Variants in NLGN4X observed in about 807,000 individuals in gnomAD.
NLGN4X encodes neuroligin-4, X-linked.
NLGN4X carries 3 observed loss-of-function variants against 40.3 expected under a neutral mutation model. The observed-to-expected ratio is 0.07, with a 90% CI of 0.03 to 0.19. The LOEUF (loss-of-function observed/expected upper bound fraction) is 0.19. Among genes scored for constraint, NLGN4X ranks in the 10% least tolerant of loss-of-function variants. The probability of loss-of-function intolerance (pLI) is 1.00; values close to 1 mark genes in which losing one functional copy is unlikely to be tolerated. For missense variants in NLGN4X, 382 were observed against 708.3 expected, an observed-to-expected ratio of 0.54 and a Z score of 5.23; for synonymous variants, 270 against 306.8, an observed-to-expected ratio of 0.88 and a Z score of 1.25.
intron 1 of NLGN4X, among the ~76,000 whole-genome samples, chrX:6,189,213 T>G (rs751388021): frequency 2.7e-5 from 3 of 112,302 alleles, no homozygotes; most frequent in African/African-American, 9.7e-5. Context: ...CAAGGACAAC[T>G]GATGTCACTG....
At chrX:5,988,958 C>A (rs996594636) in intron 3 of NLGN4X, among the ~76,000 whole-genome samples, 2 of 110,114 alleles carry the variant, frequency 1.8e-5, no homozygotes, top group Non-Finnish European at 3.8e-5. Flanking sequence ...TTTCTGGCTA[C>A]TTGGGAGGTT....
intron 3 of NLGN4X, among the ~76,000 whole-genome samples, chrX:6,028,436 G>A (rs1375580329): frequency 4.5e-5 from 5 of 110,121 alleles, no homozygotes; most frequent in African/African-American, 9.9e-5. Flanking sequence ...CGAGGCAGGC[G>A]GATCACGAGG....
At position 6,016,039 on chromosome X, in the gene NLGN4X, T is replaced by C. The variant is rs1602067457; in HGVS notation, c.625+13241A>G. Among the ~76,000 whole-genome samples the C allele has an allele frequency of 3.6e-5, 4 of 111,982 alleles. No homozygotes were observed. In the Admixed American group the frequency reaches 3.8e-4, roughly 11 times the overall value. ...TTATACTACTTAAAAGTACCCCTCC[T>C]AAACCTCAGTAATGAAAAGATAATC... On this transcript the variant is annotated intron_variant, in intron 3 of 5. Coordinates refer to ENST00000381095, the MANE Select transcript of NLGN4X (RefSeq NM_181332.3).
At chrX:5,929,925 G>C (rs181580890) in intron 3 of NLGN4X, among the ~76,000 whole-genome samples, 8 of 111,988 alleles carry the variant, frequency 7.1e-5, no homozygotes, top group Admixed American at 4.7e-4. Flanking sequence ...TTATCTAATG[G>C]GAAAAAACTG....
At chrX:6,114,399 C>T (rs1045079154) in intron 2 of NLGN4X, among the ~76,000 whole-genome samples, 3 of 110,332 alleles carry the variant, frequency 2.7e-5, no homozygotes, top group Non-Finnish European at 5.7e-5. Context: ...GCCTTTTAAG[C>T]CACATCCTAC....
At chrX:5,913,369 A>G (rs2032606674) in intron 3 of NLGN4X, among the ~76,000 whole-genome samples, 1 of 111,629 alleles carries the variant, frequency 9.0e-6, no homozygotes, top group South Asian at 3.8e-4. Flanking sequence ...GCTCCTGAGA[A>G]GTCATTCCTC....
At chrX:6,114,610 A>T (rs953961431) in intron 2 of NLGN4X, among the ~76,000 whole-genome samples, 4 of 110,512 alleles carry the variant, frequency 3.6e-5, no homozygotes, top group Non-Finnish European at 7.5e-5. Flanking sequence ...CTTTTATATG[A>T]ATTATTTACT....
intron 2 of NLGN4X, among the ~76,000 whole-genome samples, chrX:6,103,458 G>A (rs760806056): frequency 8.9e-6 from 1 of 112,027 alleles, no homozygotes; most frequent in Non-Finnish European, 1.9e-5. Context: ...TTCAAAATAG[G>A]GTGAAAGGGA....
intron 1 of NLGN4X, among the ~76,000 whole-genome samples, chrX:6,167,271 TA>T (rs1370572903): frequency 9.1e-6 from 1 of 109,568 alleles, no homozygotes; most frequent in Non-Finnish European, 1.9e-5. Flanking sequence ...AAGTAATGAA[TA>T]AAAAAACTCT....
chrX:5,915,938 G>A (rs187511093), intron 3 of NLGN4X, among the ~76,000 whole-genome samples: 48 of 112,045 alleles, frequency 4.3e-4, no homozygotes, highest in Non-Finnish European at 2.4e-4. Flanking sequence ...TTTGGTTTTA[G>A]TTTTCAAAGA....
chrX:5,942,210 T>C (rs1283514154), intron 3 of NLGN4X, among the ~76,000 whole-genome samples: 1 of 110,219 alleles, frequency 9.1e-6, no homozygotes, highest in African/African-American at 3.3e-5. Context: ...GGGCTATGAT[T>C]GCACCACTGC....
chrX:5,911,288 T>C (rs748549553), intron 3 of NLGN4X, among the ~76,000 whole-genome samples: 2 of 112,150 alleles, frequency 1.8e-5, no homozygotes, highest in South Asian at 3.7e-4. Flanking sequence ...TGTTGACTTA[T>C]TTTGTTTCTG....
At chrX:6,183,157 C>CA (rs779756009) in intron 1 of NLGN4X, among the ~76,000 whole-genome samples, 1 of 112,366 alleles carries the variant, frequency 8.9e-6, no homozygotes, top group East Asian at 2.8e-4. Context: ...AGAAAAAAAG[C>CA]ATATACTATT....
intron 1 of NLGN4X, among the ~76,000 whole-genome samples, chrX:6,223,270 G>A (rs965459046): frequency 3.6e-5 from 4 of 110,765 alleles, no homozygotes. Context: ...AAGATGTGGT[G>A]TATGGAGGTG....
chrX:6,200,687 C>CTTTTTTTTTTTCTTTTTTTTTTTTTT (rs1556005144), intron 1 of NLGN4X, among the ~76,000 whole-genome samples: 31 of 55,549 alleles, frequency 5.6e-4, no homozygotes, highest in Non-Finnish European at 7.1e-4. Flanking sequence ...CTTTCCTTTT[C>CTTTTTTTTTTTCTTTTTTTTTTTTTT]TTTTTTTTTT....
chrX:6,128,575 CAAAAT>C (rs1250557674), intron 2 of NLGN4X, among the ~76,000 whole-genome samples: 2 of 111,511 alleles, frequency 1.8e-5, no homozygotes, highest in East Asian at 5.6e-4. Flanking sequence ...GAAAACAAAA[CAAAAT>C]ATCACATGTT....
At chrX:5,988,862 C>T (rs763090385) in intron 3 of NLGN4X, among the ~76,000 whole-genome samples, 3 of 111,183 alleles carry the variant, frequency 2.7e-5, no homozygotes, top group South Asian at 3.8e-4. Flanking sequence ...GCCAAGAGTT[C>T]GAGACCAGCC....
At chrX:6,121,934 T>C (rs2039433634) in intron 2 of NLGN4X, among the ~76,000 whole-genome samples, 1 of 112,437 alleles carries the variant, frequency 8.9e-6, no homozygotes, top group South Asian at 3.6e-4. Context: ...AGTGCAAAGC[T>C]AGGAAAGCCA....
At chrX:5,929,551 AGTGT>A (rs774505670) in intron 3 of NLGN4X, among the ~76,000 whole-genome samples, 75 of 112,214 alleles carry the variant, frequency 6.7e-4, no homozygotes, top group African/African-American at 2.1e-3. Flanking sequence ...CCTACAATGT[AGTGT>A]GTGTATATAT....
Sources: allele counts gnomAD v4.1 joint callset (sites outside exome capture counted in the v4.1 genomes callset), GRCh38; gene constraint gnomAD v4.1.1; transcripts MANE v1.5; gene names NCBI Gene and HGNC (gene_info 2026-07-23, HGNC 2026-07-21).